The following WDPCP variants were observed in gnomAD, a reference collection of about 807,000 sequenced individuals.
WDPCP encodes WD repeat containing planar cell polarity effector.
WDPCP carries 71 observed loss-of-function variants against 93.1 expected under a neutral mutation model. The observed-to-expected ratio is 0.76, with a 90% CI of 0.63 to 0.93. The LOEUF (loss-of-function observed/expected upper bound fraction) is 0.93, where lower values mean the gene tolerates loss of function less well. Among genes scored for constraint, WDPCP ranks in the 40% least tolerant of loss-of-function variants. The pLI is 0.00. For synonymous variants in WDPCP, 315 were observed against 315.0 expected, an observed-to-expected ratio of 1.00 and a Z score of 0.00; for missense variants, 844 against 887.4, an observed-to-expected ratio of 0.95 and a Z score of 0.62.
Position 63,588,377 on chromosome 2 carries a change from C to T in WDPCP, c.-106G>A. Reference sequence around the variant, plus strand: ...TGGGTCTCCAGGACGCCGCCGCCGCCGCCACAGTTTCCTCAGGTGCTACAA... The same window carrying T: ...TGGGTCTCCAGGACGCCGCCGCCGCTGCCACAGTTTCCTCAGGTGCTACAA... On this transcript the variant is annotated 5_prime_UTR_variant, in exon 1 of 18. Transcript: ENST00000272321. The T allele has an allele frequency of 2.3e-6, 3 of 1,329,282 alleles. No homozygotes were observed. In the South Asian group the frequency reaches 3.8e-5, roughly 17 times the overall value. The allele number at this position is 1,329,282 out of a possible 1,614,324, so 82.3% of individuals were successfully genotyped here. A position where few individuals can be genotyped will look rare whatever the true frequency, so the allele number is the denominator to read the frequency against.
rs1263016566 is a variant in WDPCP at position 63,355,786 on chromosome 2, G to A, written c.1748+22600C>T. On this transcript the variant is annotated intron_variant, in intron 12 of 17. Coordinates refer to ENST00000272321, the MANE Select transcript of WDPCP (RefSeq NM_015910.7). ...ACCTATAATCCCAGCTACTTGGGAGGCTGAGGCAGGAGAATTGCTTGAACC... is the reference window on the plus strand; with the variant it reads ...ACCTATAATCCCAGCTACTTGGGAGACTGAGGCAGGAGAATTGCTTGAACC... Among the ~76,000 whole-genome samples, 5 of 152,176 alleles carry A rather than the reference G, an allele frequency of 3.3e-5. No individual in the cohort carries two copies. The East Asian group carries it at 9.6e-4, about 29-fold the overall frequency.
the WDPCP span, among the ~76,000 whole-genome samples, chr2:63,835,214 C>G: frequency 1.3e-5 from 2 of 151,636 alleles, no homozygotes; most frequent in Non-Finnish European, 2.9e-5. Flanking sequence ...TGGTGAAACC[C>G]TGTCTCTACC....
intron 2 of WDPCP, among the ~76,000 whole-genome samples, chr2:63,811,634 G>T (rs1670864016): frequency 6.6e-6 from 1 of 151,282 alleles, no homozygotes; most frequent in South Asian, 2.1e-4. Context: ...TAGAGTCAGG[G>T]AGTACATGTG....
chr2:63,458,135 A>G (rs1698762552), intron 6 of WDPCP, among the ~76,000 whole-genome samples: 1 of 151,676 alleles, frequency 6.6e-6, no homozygotes, highest in Admixed American at 6.6e-5. Flanking sequence ...AAAAAAAAAA[A>G]AGAAAAAAAA....
At chr2:63,337,487 T>C (rs1352286115) in intron 12 of WDPCP, among the ~76,000 whole-genome samples, 4 of 152,238 alleles carry the variant, frequency 2.6e-5, no homozygotes, top group Admixed American at 2.0e-4. Context: ...ATTTCATTTC[T>C]TTTGGATATA....
chr2:63,238,144 TTAA>T (rs1679564094), intron 14 of WDPCP, among the ~76,000 whole-genome samples: 1 of 152,172 alleles, frequency 6.6e-6, no homozygotes. Flanking sequence ...TAGACAGCTA[TTAA>T]TAACTATTAG....
chr2:63,206,481 C>G (rs890081431), intron 14 of WDPCP, among the ~76,000 whole-genome samples: 5 of 152,026 alleles, frequency 3.3e-5, no homozygotes, highest in Non-Finnish European at 7.4e-5. Context: ...CTTTGAGACA[C>G]AGTCTCACTC....
intron 2 of WDPCP, among the ~76,000 whole-genome samples, chr2:63,759,734 G>T (rs1438390295): frequency 6.6e-6 from 1 of 152,218 alleles, no homozygotes; most frequent in Non-Finnish European, 1.5e-5. Context: ...CAGTCAGGGT[G>T]AGAAATTTAA....
intron 15 of WDPCP, among the ~76,000 whole-genome samples, chr2:63,161,751 A>G (rs1397690324): frequency 1.3e-5 from 2 of 151,696 alleles, no homozygotes; most frequent in East Asian, 1.9e-4. Context: ...TCAACTGTTC[A>G]TAAATTCATT....
chr2:63,314,026 G>A (rs1686431288), intron 12 of WDPCP, among the ~76,000 whole-genome samples: 1 of 149,674 alleles, frequency 6.7e-6, no homozygotes, highest in South Asian at 2.1e-4. Flanking sequence ...GAGTAGGCGC[G>A]CACCACCATG....
chr2:63,797,125 C>T (rs1273871070), intron 2 of WDPCP, among the ~76,000 whole-genome samples: 1 of 152,110 alleles, frequency 6.6e-6, no homozygotes, highest in Admixed American at 6.5e-5. Context: ...AACCAAACTT[C>T]CAGGATTCAT....
intron 1 of WDPCP, among the ~76,000 whole-genome samples, chr2:63,557,886 C>T (rs959848106): frequency 3.9e-5 from 6 of 152,158 alleles, no homozygotes; most frequent in African/African-American, 1.4e-4. Context: ...CAACCTCCTC[C>T]TGAATGACTC....
At chr2:63,737,735 T>C (rs1397827420) in intron 2 of WDPCP, among the ~76,000 whole-genome samples, 3 of 152,186 alleles carry the variant, frequency 2.0e-5, no homozygotes, top group Non-Finnish European at 4.4e-5. Flanking sequence ...CCACATACTA[T>C]CTTTCTTCAT....
intron 6 of WDPCP, among the ~76,000 whole-genome samples, chr2:63,453,463 T>C (rs1248249907): frequency 6.6e-6 from 1 of 152,114 alleles, no homozygotes; most frequent in Non-Finnish European, 1.5e-5. Flanking sequence ...GGAGAGGATG[T>C]GGAGAAATAG....
chr2:63,786,451 T>A (rs1267650729), intron 2 of WDPCP, among the ~76,000 whole-genome samples: 1 of 152,174 alleles, frequency 6.6e-6, no homozygotes, highest in African/African-American at 2.4e-5. Context: ...ACCATTTTAG[T>A]CCAAAGCTAC....
At chr2:63,387,249 T>C (rs1233742944) in intron 10 of WDPCP, among the ~76,000 whole-genome samples, 1 of 151,872 alleles carries the variant, frequency 6.6e-6, no homozygotes, top group African/African-American at 2.4e-5. Flanking sequence ...TACTAGCAAA[T>C]GAAATCCAGC....
At chr2:63,553,633 T>TAA (rs904573127) in intron 1 of WDPCP, among the ~76,000 whole-genome samples, 30 of 151,180 alleles carry the variant, frequency 2.0e-4, no homozygotes, top group African/African-American at 6.3e-4. Flanking sequence ...CTGATGCTTT[T>TAA]AAAAAAAAAA....
intron 17 of WDPCP, among the ~76,000 whole-genome samples, chr2:63,144,849 A>G (rs1266013038): frequency 1.3e-5 from 2 of 152,100 alleles, no homozygotes; most frequent in South Asian, 4.1e-4. Flanking sequence ...TCATATTACC[A>G]GGGTTTGTTT....
intron 15 of WDPCP, among the ~76,000 whole-genome samples, chr2:63,172,598 T>C (rs369916019): frequency 1.3e-5 from 2 of 152,132 alleles, no homozygotes; most frequent in African/African-American, 4.8e-5. Context: ...CCAATACTTA[T>C]TTTATAAACA....
Sources: allele counts gnomAD v4.1 joint callset (sites outside exome capture counted in the v4.1 genomes callset), GRCh38; gene constraint gnomAD v4.1.1; transcripts MANE v1.5; gene names NCBI Gene and HGNC (gene_info 2026-07-23, HGNC 2026-07-21).